Variants in KCNMA1 observed in about 807,000 individuals in gnomAD.
The protein encoded by KCNMA1 is potassium calcium-activated channel subfamily M alpha 1.
In KCNMA1, 29 loss-of-function variants were observed where a neutral mutation model predicts 140.0. That is an observed-to-expected ratio of 0.21 (90% CI 0.15 to 0.28). KCNMA1 has a LOEUF of 0.28. KCNMA1 is among the 10% of genes least tolerant of loss of function. The pLI is 1.00. For synonymous variants in KCNMA1, 612 were observed against 611.9 expected (o/e 1.00, Z 0.00); for missense variants, 880 against 1,602.2 (o/e 0.55, Z 7.70).
At chr10:77,407,704 T>C (rs2096517858) in intron 1 of KCNMA1, among the ~76,000 whole-genome samples, 1 of 152,086 alleles carries the variant, frequency 6.6e-6, no homozygotes, top group East Asian at 1.9e-4. Flanking sequence ...GCCTCTTCCA[T>C]GTAAGATGGG....
intron 12 of KCNMA1, among the ~76,000 whole-genome samples, chr10:77,082,906 T>G (rs2153747124): frequency 6.6e-6 from 1 of 152,334 alleles, no homozygotes. Flanking sequence ...AAGGGAGGAC[T>G]GGCTCCTCTG....
intron 1 of KCNMA1, among the ~76,000 whole-genome samples, chr10:77,562,522 C>T (rs980932325): frequency 6.6e-6 from 1 of 152,080 alleles, no homozygotes; most frequent in Non-Finnish European, 1.5e-5. Context: ...CCATAATAAC[C>T]TTTACAAAGT....
chr10:77,625,660 T>C (rs1028692263), intron 1 of KCNMA1, among the ~76,000 whole-genome samples: 1 of 152,226 alleles, frequency 6.6e-6, no homozygotes, highest in African/African-American at 2.4e-5. Context: ...TTCATCTATG[T>C]GGTAGCACGT....
chr10:77,401,606 A>G (rs1419543010), intron 2 of KCNMA1, among the ~76,000 whole-genome samples: 1 of 151,906 alleles, frequency 6.6e-6, no homozygotes, highest in Non-Finnish European at 1.5e-5. Context: ...TTCTCCTTTA[A>G]CTCTCAAGAT....
At chr10:77,444,015 A>C (rs1053714453) in intron 1 of KCNMA1, among the ~76,000 whole-genome samples, 2 of 152,222 alleles carry the variant, frequency 1.3e-5, no homozygotes, top group Admixed American at 1.3e-4. Context: ...TATCACATGT[A>C]CATATGTACA....
chr10:76,895,732 C>T (rs999251255), intron 25 of KCNMA1, among the ~76,000 whole-genome samples: 14 of 152,024 alleles, frequency 9.2e-5, no homozygotes, highest in Admixed American at 3.3e-4. Flanking sequence ...CCTTAAGTGT[C>T]GGCCAGTCTG....
At chr10:77,019,890 C>T (rs2092629553) in intron 16 of KCNMA1, 1 of 152,138 alleles carries the variant, frequency 6.6e-6, no homozygotes, top group South Asian at 2.1e-4. Context: ...CCTAAATATA[C>T]ATTGTCCTAT....
At chr10:77,060,838 T>C (rs2095715151) in intron 14 of KCNMA1, among the ~76,000 whole-genome samples, 1 of 152,142 alleles carries the variant, frequency 6.6e-6, no homozygotes, top group African/African-American at 2.4e-5. Context: ...AAGCACAATG[T>C]TGGAGTGATG....
intron 3 of KCNMA1, among the ~76,000 whole-genome samples, chr10:77,245,540 G>C (rs1478237470): frequency 6.6e-6 from 1 of 152,168 alleles, no homozygotes; most frequent in Non-Finnish European, 1.5e-5. Context: ...TCCATCCTAT[G>C]TGGCTCCATT....
chr10:77,213,046 C>T (rs756056314), intron 3 of KCNMA1, among the ~76,000 whole-genome samples: 1 of 151,862 alleles, frequency 6.6e-6, no homozygotes, highest in Non-Finnish European at 1.5e-5. Context: ...AGTTGACTAT[C>T]GTTTATTTCT....
intron 2 of KCNMA1, among the ~76,000 whole-genome samples, chr10:77,382,959 C>CGTGTGTGT (rs57049025): frequency 0.033 from 2,539 of 76,356 alleles, 113 homozygotes; most frequent in Non-Finnish European, 0.051. Context: ...CATATATATA[C>CGTGTGTGT]GTGTGTGTGT....
chr10:76,924,737 G>C (rs910895249), intron 23 of KCNMA1, among the ~76,000 whole-genome samples: 26 of 152,118 alleles, frequency 1.7e-4, no homozygotes, highest in Non-Finnish European at 1.6e-4. Flanking sequence ...GGCCCAGAGA[G>C]AGTTTTCAGG....
intron 1 of KCNMA1, among the ~76,000 whole-genome samples, chr10:77,514,126 C>T (rs796759590): frequency 4.6e-5 from 7 of 152,194 alleles, no homozygotes; most frequent in South Asian, 2.1e-4. Flanking sequence ...CAGTGGCAGG[C>T]GAAATGTGGC....
intron 2 of KCNMA1, among the ~76,000 whole-genome samples, chr10:77,312,087 C>A (rs545634773): frequency 6.6e-6 from 1 of 152,374 alleles, no homozygotes; most frequent in African/African-American, 2.4e-5. Flanking sequence ...GAAGGAACTC[C>A]AGGGAGAACA....
intron 12 of KCNMA1, among the ~76,000 whole-genome samples, chr10:77,084,148 C>A (rs765851242): frequency 6.6e-5 from 10 of 152,048 alleles, no homozygotes; most frequent in Non-Finnish European, 1.2e-4. Flanking sequence ...TGGGGGCTGA[C>A]CTGTGCATTG....
intron 3 of KCNMA1, among the ~76,000 whole-genome samples, chr10:77,246,699 T>C (rs1182053449): frequency 1.3e-5 from 2 of 152,238 alleles, no homozygotes; most frequent in African/African-American, 2.4e-5. Context: ...TTATCACATT[T>C]GAAGATGTTA....
intron 1 of KCNMA1, chr10:77,498,562 T>G (rs1477562562): frequency 6.6e-6 from 1 of 152,224 alleles, no homozygotes; most frequent in African/African-American, 2.4e-5. Flanking sequence ...TCTGGAACTA[T>G]TCATGGTTCC....
intron 14 of KCNMA1, among the ~76,000 whole-genome samples, chr10:77,042,957 C>T (rs920471214): frequency 8.5e-5 from 13 of 152,128 alleles, no homozygotes; most frequent in Non-Finnish European, 1.5e-5. Flanking sequence ...TTTCTCTTTG[C>T]TAGAGAAAGC....
intron 19 of KCNMA1, among the ~76,000 whole-genome samples, chr10:76,973,546 T>C (rs1363055469): frequency 6.6e-6 from 1 of 152,190 alleles, no homozygotes; most frequent in African/African-American, 2.4e-5. Context: ...CTAAAGAGGA[T>C]TCGTTATTTC....
Sources: gnomAD v4.1 joint callset for allele counts (sites outside exome capture counted in the v4.1 genomes callset) on GRCh38, gnomAD v4.1.1 for gene constraint, MANE v1.5 for transcripts, NCBI Gene and HGNC (gene_info 2026-07-23, HGNC 2026-07-21) for gene names.